GLIS3: variants seen among roughly 807,000 people sequenced by gnomAD.
GLIS3 encodes the protein GLIS family zinc finger 3.
A neutral mutation model predicts 78.6 loss-of-function variants in GLIS3; 53 were observed. The observed-to-expected ratio is 0.67, with a 90% CI of 0.54 to 0.85. The LOEUF (loss-of-function observed/expected upper bound fraction) is 0.85. Ranked by LOEUF, GLIS3 falls within the 40% of genes least tolerant of loss-of-function variation. GLIS3 has a pLI of 0.00. For missense variants in GLIS3, 1,703 were observed against 1,231.1 expected, an observed-to-expected ratio of 1.38 and a Z score of -5.74; for synonymous variants, 684 against 509.9, an observed-to-expected ratio of 1.34 and a Z score of -4.60.
At chr9:3,965,715 G>C (rs574172262) in intron 4 of GLIS3, among the ~76,000 whole-genome samples, 6 of 152,154 alleles carry the variant, frequency 3.9e-5, no homozygotes, top group Admixed American at 1.3e-4. Flanking sequence ...TTTGCAGCAG[G>C]CAGTGATCTC....
At chr9:3,959,313 T>G (rs75448682) in intron 4 of GLIS3, among the ~76,000 whole-genome samples, 203 of 152,338 alleles carry the variant, frequency 1.3e-3, no homozygotes, top group African/African-American at 4.6e-3. Context: ...ACACTGCATT[T>G]GCTGGCACCT....
At chr9:4,188,739 C>T (rs1014688297) in intron 2 of GLIS3, among the ~76,000 whole-genome samples, 1 of 152,124 alleles carries the variant, frequency 6.6e-6, no homozygotes, top group South Asian at 2.1e-4. Context: ...GTGTATGTGT[C>T]GAGGAATGTA....
intron 2 of GLIS3, among the ~76,000 whole-genome samples, chr9:4,175,490 T>C (rs1459001691): frequency 9.1e-6 from 1 of 109,666 alleles, no homozygotes. Flanking sequence ...ACAAATAACT[T>C]TAACTTTTAT....
intron 2 of GLIS3, among the ~76,000 whole-genome samples, chr9:4,251,522 C>G (rs1246218695): frequency 2.7e-5 from 4 of 150,222 alleles, no homozygotes; most frequent in Non-Finnish European, 5.9e-5. Flanking sequence ...TGAGATGAGT[C>G]TCCTGAATAC....
chr9:3,846,310 G>C (rs1819036882), intron 9 of GLIS3, among the ~76,000 whole-genome samples: 1 of 152,118 alleles, frequency 6.6e-6, no homozygotes, highest in African/African-American at 2.4e-5. Flanking sequence ...GGGTCAGACT[G>C]GGTTTATAAA....
At chr9:3,857,947 T>C (rs933416453) in intron 8 of GLIS3, among the ~76,000 whole-genome samples, 2 of 152,188 alleles carry the variant, frequency 1.3e-5, no homozygotes, top group African/African-American at 4.8e-5. Flanking sequence ...TGTGAGATCA[T>C]AGACTTTAGG....
intron 2 of GLIS3, among the ~76,000 whole-genome samples, chr9:4,142,866 T>C (rs529673977): frequency 2.2e-4 from 34 of 152,262 alleles, no homozygotes; most frequent in Non-Finnish European, 3.5e-4. Flanking sequence ...CACTTAAGGA[T>C]ATGCATGTTT....
the GLIS3 span, among the ~76,000 whole-genome samples, chr9:4,410,784 C>G: frequency 6.6e-6 from 1 of 152,138 alleles, no homozygotes; most frequent in African/African-American, 2.4e-5. Flanking sequence ...AACTGCCAGC[C>G]AAAGTTGTCC....
chr9:4,327,153 G>A (rs569217376), intron 2 of GLIS3, among the ~76,000 whole-genome samples: 1 of 152,246 alleles, frequency 6.6e-6, no homozygotes, highest in South Asian at 2.1e-4. Flanking sequence ...TGATGCAGTT[G>A]GTGTAGAGGT....
intron 2 of GLIS3, among the ~76,000 whole-genome samples, chr9:4,316,711 T>C (rs1817441805): frequency 2.0e-5 from 3 of 152,214 alleles, no homozygotes; most frequent in Admixed American, 2.0e-4. Context: ...GTTCCTGCCT[T>C]GCCCCCTGAG....
upstream of GLIS3, among the ~76,000 whole-genome samples, chr9:4,300,208 T>TCACACACACACA (rs35733770): frequency 8.4e-5 from 12 of 143,050 alleles, no homozygotes; most frequent in African/African-American, 1.6e-4. Context: ...CTTGACGCAT[T>TCACACACACACA]CACACACACA....
At chr9:4,237,621 T>G (rs1487090485) in intron 2 of GLIS3, among the ~76,000 whole-genome samples, 8 of 152,228 alleles carry the variant, frequency 5.3e-5, no homozygotes, top group Admixed American at 5.2e-4. Context: ...TTACCATTTT[T>G]ACCCCAATTC....
chr9:4,478,399 T>C, the GLIS3 span, among the ~76,000 whole-genome samples: 1 of 152,002 alleles, frequency 6.6e-6, no homozygotes, highest in Admixed American at 6.6e-5. Context: ...TCACTTGAGG[T>C]CAGGAGTTTG....
At chr9:4,383,337 T>G in the GLIS3 span, among the ~76,000 whole-genome samples, 2 of 152,250 alleles carry the variant, frequency 1.3e-5, no homozygotes, top group Admixed American at 1.3e-4. Flanking sequence ...CATTTGGAAC[T>G]GCTGTTTGAA....
rs577054212 is a variant in GLIS3, at chr9:4,332,526, G to A, written n.264+14555C>T. Reference sequence around the variant, plus strand: ...CTCTCCCGTCTTGCTGGCTGAAACAGTGACAGCTGTAGTAGCCTTGCACCC... The same window carrying A: ...CTCTCCCGTCTTGCTGGCTGAAACAATGACAGCTGTAGTAGCCTTGCACCC... On this transcript the variant is annotated intron_variant and non_coding_transcript_variant, in intron 2 of 4. Transcript: ENST00000471664. Among the ~76,000 whole-genome samples, 5 of 152,318 alleles carry A rather than the reference G, an allele frequency of 3.3e-5. No individual in the cohort carries two copies. The East Asian group carries it at 9.6e-4, about 29-fold the overall frequency.
chr9:3,892,175 TAG>T (rs1250829980), intron 7 of GLIS3, among the ~76,000 whole-genome samples: 1 of 151,818 alleles, frequency 6.6e-6, no homozygotes, highest in East Asian at 1.9e-4. Context: ...CTAAGTTCAC[TAG>T]AGAGAACGGG....
chr9:4,228,754 T>G (rs1821999945), intron 2 of GLIS3, among the ~76,000 whole-genome samples: 1 of 152,216 alleles, frequency 6.6e-6, no homozygotes, highest in Admixed American at 6.5e-5. Flanking sequence ...TGATGCTTCC[T>G]CTCTACATAC....
chr9:4,224,492 A>C (rs1821597555), intron 2 of GLIS3, among the ~76,000 whole-genome samples: 2 of 152,206 alleles, frequency 1.3e-5, no homozygotes, highest in South Asian at 4.1e-4. Context: ...TCTCATCATT[A>C]GGAAGAGTTC....
intron 2 of GLIS3, among the ~76,000 whole-genome samples, chr9:4,275,816 T>A (rs1826930062): frequency 6.6e-6 from 1 of 152,086 alleles, no homozygotes; most frequent in African/African-American, 2.4e-5. Context: ...TTAAAAAGAA[T>A]GAGATCACCA....
Sources: gnomAD v4.1 joint callset for allele counts (sites outside exome capture counted in the v4.1 genomes callset) on GRCh38, gnomAD v4.1.1 for gene constraint, MANE v1.5 for transcripts, NCBI Gene and HGNC (gene_info 2026-07-23, HGNC 2026-07-21) for gene names.